Variants in LMX1B observed in about 807,000 individuals in gnomAD.
The protein encoded by LMX1B is LIM homeobox transcription factor 1 beta.
LMX1B carries 12 observed loss-of-function variants against 51.4 expected under a neutral mutation model. The observed-to-expected ratio is 0.23, with a 90% CI of 0.15 to 0.38. The LOEUF (loss-of-function observed/expected upper bound fraction) is 0.38, where lower values mean the gene tolerates loss of function less well. LMX1B is among the 10% of genes least tolerant of loss of function. The pLI is 1.00. For synonymous variants in LMX1B, 237 were observed against 235.4 expected, an observed-to-expected ratio of 1.01 and a Z score of -0.06; for missense variants, 445 against 571.1, an observed-to-expected ratio of 0.78 and a Z score of 2.25.
Position 126,701,029 on chromosome 9 carries a change from A to G in LMX1B, c.*4578A>G, listed in dbSNP as rs1342397953. On this transcript the variant is annotated 3_prime_UTR_variant, in exon 8 of 8. Transcript: ENST00000373474. ...TATTTGTAAATAAACCGACCTGTACACTCCTGTGGTCTTCTCCTTGGTGGG... is the reference window on the plus strand; with the variant it reads ...TATTTGTAAATAAACCGACCTGTACGCTCCTGTGGTCTTCTCCTTGGTGGG... 6.6e-6 allele frequency: 1 copy of G among 152,004 alleles called. No individual in the cohort carries two copies. The highest frequency in any genetic ancestry group is 1.5e-5 in the Non-Finnish European group (1 of 68,046). 9.4% of individuals were successfully genotyped at this position (152,004 alleles called of 1,614,324 possible). A position where few individuals can be genotyped will look rare whatever the true frequency, so the allele number is the denominator to read the frequency against.
chr9:126,690,992 C>T lies in LMX1B; in HGVS notation c.483C>T (p.Gly161=), dbSNP rs2030108589. The change falls in exon 3 of 8, where the codon GGC becomes GGT. Residue 161 remains glycine (G), a synonymous_variant. Coordinates refer to ENST00000373474, the MANE Select transcript of LMX1B (RefSeq NM_001174147.2). ...GCGACGAATTCGTGCTCAAGGAGGG[C>T]CAGCTGCTGTGCAAGGGTGACTACG... ...RKGDEFVLKE[G]QLLCKGDYEK... is the part of the protein sequence containing the mutation. The T allele has an allele frequency of 1.2e-6, 2 of 1,613,974 alleles. No homozygotes were observed. Among genetic ancestry groups the T allele is most frequent in the Admixed American group, 1.7e-5 (1 of 59,994 alleles).
intron 2 of LMX1B, among the ~76,000 whole-genome samples, chr9:126,624,069 A>G (rs1035881025): frequency 4.6e-5 from 7 of 152,212 alleles, no homozygotes; most frequent in Admixed American, 2.0e-4. Context: ...CGCGCGCTCT[A>G]ATACGCGCAC....
rs778444147 is a variant in LMX1B, at chr9:126,693,511, C to G, written c.742-13C>G. On this transcript the variant is annotated splice_polypyrimidine_tract_variant and intron_variant, in intron 4 of 7. Coordinates refer to ENST00000373474, the MANE Select transcript of LMX1B (RefSeq NM_001174147.2). ...CCTGGAGGGCCTGACCTGTTCCCCTCTCTCTGAGCCAGGTCCGAGAGACAC... is the reference window on the plus strand; with the variant it reads ...CCTGGAGGGCCTGACCTGTTCCCCTGTCTCTGAGCCAGGTCCGAGAGACAC... The G allele has an allele frequency of 1.2e-6, 2 of 1,613,740 alleles. No homozygotes were observed. Among genetic ancestry groups the G allele is most frequent in the South Asian group, 1.1e-5 (1 of 91,056 alleles).
chr9:126,634,281 C>T (rs915283921), intron 2 of LMX1B, among the ~76,000 whole-genome samples: 1 of 152,188 alleles, frequency 6.6e-6, no homozygotes, highest in African/African-American at 2.4e-5. Context: ...GACTGGAAAG[C>T]CTTCTTGCCC....
rs931268165 is a variant in LMX1B at position 126,618,763 on chromosome 9, G to A, written c.326+3194G>A. ...GTCTGGAAAGGGTTTTTATCCTGAA[G>A]AGGTGGAGAATTCCTGGAGGAGGCT... On this transcript the variant is annotated intron_variant, in intron 2 of 7. Transcript: ENST00000373474. The surrounding 1 kb of genome is among the most constrained non-coding windows in gnomAD (Gnocchi z 4.5). Among the ~76,000 whole-genome samples, 6 of 152,204 alleles carry A rather than the reference G, an allele frequency of 3.9e-5. No individual in the cohort carries two copies. In the South Asian group the frequency reaches 1.2e-3, roughly 32 times the overall value.
chr9:126,665,169 C>A (rs1407512597), intron 2 of LMX1B, among the ~76,000 whole-genome samples: 1 of 152,226 alleles, frequency 6.6e-6, no homozygotes, highest in African/African-American at 2.4e-5. Context: ...GCCTTCGCGC[C>A]TCTCTGGCTT....
chr9:126,696,458 GC>G lies in LMX1B; in HGVS notation c.*9del. ...TTCCTACTTCGCCTCCTGAGAGCCA[GC>G]CAGGCGCACGGACGCTTGGGCAGGG... On this transcript the variant is annotated 3_prime_UTR_variant, in exon 8 of 8. Transcript: ENST00000373474. 6.2e-7 allele frequency: 1 copy of G among 1,613,768 alleles called. No individual in the cohort carries two copies. The highest frequency in any genetic ancestry group is 1.1e-5 in the South Asian group (1 of 91,080).
chr9:126,677,536 A>C lies in LMX1B; in HGVS notation c.327-13300A>C, dbSNP rs1317651978. Among the ~76,000 whole-genome samples, 1 of 152,160 alleles carries C rather than the reference A, an allele frequency of 6.6e-6. No individual in the cohort carries two copies. The highest frequency in any genetic ancestry group is 6.5e-5 in the Admixed American group (1 of 15,278). The stretch of plus-strand genomic sequence containing the variant: ...CTACCTTTCCAACCTCCAGGAAGGC[A>C]GGAGAGTGTGGTGGTTACCAGCCCA... On this transcript the variant is annotated intron_variant, in intron 2 of 7. Transcript: ENST00000373474. This position sits in a 1 kb window ranked among gnomAD's most constrained non-coding sequence, Gnocchi z 5.0.
chr9:126,673,383 A>G lies in LMX1B; in HGVS notation c.327-17453A>G, dbSNP rs1836495799. ...CACCAGGCCCCACAAACAACTCCGC[A>G]CCAGGGAGCTGGGCAGATCTGAGAG... On this transcript the variant is annotated intron_variant, in intron 2 of 7. Transcript: ENST00000373474. This position sits in a 1 kb window ranked among gnomAD's most constrained non-coding sequence, Gnocchi z 4.4. 6.6e-6 allele frequency among the ~76,000 whole-genome samples: 1 copy of G among 152,102 alleles called. No individual in the cohort carries two copies. Among genetic ancestry groups the G allele is most frequent in the South Asian group, 2.1e-4 (1 of 4,830 alleles).
chr9:126,637,058 C>T (rs1234911998), intron 2 of LMX1B, among the ~76,000 whole-genome samples: 1 of 152,224 alleles, frequency 6.6e-6, no homozygotes, highest in Non-Finnish European at 1.5e-5. Context: ...CCAGAGGCCA[C>T]CAGCATAAGC....
chr9:126,615,422 A>G lies in LMX1B; in HGVS notation c.179A>G (p.Gln60Arg). 6.2e-7 allele frequency: 1 copy of G among 1,607,046 alleles called. No homozygotes were observed. Among genetic ancestry groups the G allele is most frequent in the Non-Finnish European group, 8.5e-7 (1 of 1,177,162 alleles). ...CPHPAVCEGC[Q>R]RPISDRFLMR... ...CATCCCGCCGTCTGCGAGGGCTGCCAGCGGCCCATCTCCGACCGCTTCCTG... is the reference window on the plus strand; with the variant it reads ...CATCCCGCCGTCTGCGAGGGCTGCCGGCGGCCCATCTCCGACCGCTTCCTG... The change falls in exon 2 of 8, where the codon CAG becomes CGG. Residue 60 changes from glutamine to arginine, a missense_variant. Physicochemically the swap from Gln to Arg is conservative, Grantham distance 43. Coordinates refer to ENST00000373474, the MANE Select transcript of LMX1B (RefSeq NM_001174147.2). The surrounding 1 kb of genome is among the most constrained non-coding windows in gnomAD (Gnocchi z 6.0).
chr9:126,655,476 G>T (rs1207990991), intron 2 of LMX1B, among the ~76,000 whole-genome samples: 2 of 152,192 alleles, frequency 1.3e-5, no homozygotes, highest in East Asian at 3.9e-4. Flanking sequence ...AGGTGACCGT[G>T]TCATGGAGTG....
At position 126,673,096 on chromosome 9, in the gene LMX1B, T is replaced by C. The variant is rs1431780164; in HGVS notation, c.327-17740T>C. On this transcript the variant is annotated intron_variant, in intron 2 of 7. Transcript: ENST00000373474. This position sits in a 1 kb window ranked among gnomAD's most constrained non-coding sequence, Gnocchi z 4.4. ...GTAGCTGTGAGGCTTGGCACAAGGC[T>C]CAGTTTTCTCATCTGAGAAATGGGA... Among the ~76,000 whole-genome samples, 1 of 152,198 alleles carries C rather than the reference T, an allele frequency of 6.6e-6. No individual in the cohort carries two copies. Among genetic ancestry groups the C allele is most frequent in the Non-Finnish European group, 1.5e-5 (1 of 68,024 alleles).
intron 2 of LMX1B, among the ~76,000 whole-genome samples, chr9:126,683,054 G>A (rs1393338750): frequency 1.3e-5 from 2 of 151,566 alleles, no homozygotes; most frequent in African/African-American, 2.4e-5. Flanking sequence ...CCCGGCTGGG[G>A]GCTCCCGACA....
chr9:126,672,725 G>A (rs1253090293), intron 2 of LMX1B, among the ~76,000 whole-genome samples: 2 of 152,344 alleles, frequency 1.3e-5, no homozygotes, highest in East Asian at 1.9e-4. Flanking sequence ...TGGGGTGCGG[G>A]GGGCTGAGGA....
rs74540683 is a variant in LMX1B at position 126,653,533 on chromosome 9, G to T, written c.327-37303G>T. Among the ~76,000 whole-genome samples the T allele has an allele frequency of 2.1e-3, 327 of 152,194 alleles. 1 individual carries two copies. The highest frequency in any genetic ancestry group is 7.6e-3 in the African/African-American group (314 of 41,518). On this transcript the variant is annotated intron_variant, in intron 2 of 7. Transcript: ENST00000373474. ...ATAGGCAATTGCAAAAAATAGAGAG[G>T]TCCCTGTACCCTTTGCCCAGTCTTG...
rs181527103 is a variant in LMX1B at position 126,671,983 on chromosome 9, C to T, written c.327-18853C>T. On this transcript the variant is annotated intron_variant, in intron 2 of 7. Transcript: ENST00000373474. This position sits in a 1 kb window ranked among gnomAD's most constrained non-coding sequence, Gnocchi z 4.4. ...TATTAAAAACCAGCCTTGATGCTCC[C>T]GAGCCCCAGCTGTGGCCGTGATGGG... Among the ~76,000 whole-genome samples, 23 of 152,358 alleles carry T rather than the reference C, an allele frequency of 1.5e-4. No homozygotes were observed. The East Asian group carries it at 3.5e-3, about 23-fold the overall frequency.
At chr9:126,696,085 C>T (rs1221507335) in intron 7 of LMX1B, 82 bp downstream of exon 7, 27 of 1,319,572 alleles carry the variant, frequency 2.0e-5, no homozygotes, top group Non-Finnish European at 2.5e-5. Flanking sequence ...GCCAGGACAG[C>T]CACCTGCTGC....
chr9:126,627,828 G>A (rs928000887), intron 2 of LMX1B, among the ~76,000 whole-genome samples: 2 of 152,140 alleles, frequency 1.3e-5, no homozygotes, highest in East Asian at 1.9e-4. Context: ...GAGCAGAGGC[G>A]GAAATCCCAA....
Sources: allele counts gnomAD v4.1 joint callset (sites outside exome capture counted in the v4.1 genomes callset), GRCh38; gene constraint gnomAD v4.1.1; non-coding constraint Gnocchi (gnomAD v3.1); transcripts MANE v1.5; gene names NCBI Gene and HGNC (gene_info 2026-07-23, HGNC 2026-07-21).